WNT7B: variants seen among roughly 807,000 people sequenced by gnomAD.
The protein encoded by WNT7B is protein Wnt-7b.
Under a neutral mutation model 38.2 loss-of-function variants are expected in WNT7B, and 19 were observed. That is an observed-to-expected ratio of 0.50 (90% CI 0.35 to 0.73). The LOEUF (loss-of-function observed/expected upper bound fraction) is 0.73, where lower values mean the gene tolerates loss of function less well. WNT7B is among the 30% of genes least tolerant of loss of function. The probability of loss-of-function intolerance (pLI) is 0.01; values close to 1 mark genes in which losing one functional copy is unlikely to be tolerated. For synonymous variants in WNT7B, 243 were observed against 209.3 expected (o/e 1.16, Z -1.39); for missense variants, 423 against 507.9 (o/e 0.83, Z 1.61).
intron 1 of WNT7B, among the ~76,000 whole-genome samples, chr22:45,953,718 T>A: frequency 9.0e-6 from 1 of 111,002 alleles, no homozygotes; most frequent in African/African-American, 4.2e-5. Context: ...AGGATGGCTA[T>A]GATTTAAAAA....
chr22:45,929,630 A>ATCCATGCATCCACTCATCCATCCT lies in WNT7B; in HGVS notation c.570+1444_570+1467dup, dbSNP rs1222729696. ...CACCTGCCCATACACCCATCCTTCC[A>ATCCATGCATCCACTCATCCATCCT]TCCATGCATCCACTCATCCATCCTT... On this transcript the variant is annotated intron_variant, in intron 3 of 3. Transcript: ENST00000339464. 1.8e-4 allele frequency among the ~76,000 whole-genome samples: 21 copies of ATCCATGCATCCACTCATCCATCCT among 114,218 alleles called. 1 individual carries two copies. Among genetic ancestry groups the ATCCATGCATCCACTCATCCATCCT allele is most frequent in the African/African-American group, 7.1e-4 (21 of 29,572 alleles). The allele number at this position is 114,218 out of a possible 152,430, so 74.9% of individuals were successfully genotyped here. A position where few individuals can be genotyped will look rare whatever the true frequency, so the allele number is the denominator to read the frequency against.
chr22:45,934,253 C>T (rs994157533), intron 2 of WNT7B, among the ~76,000 whole-genome samples: 2 of 152,110 alleles, frequency 1.3e-5, no homozygotes, highest in Non-Finnish European at 2.9e-5. Context: ...GGTCCTTCTG[C>T]CCCCAGCTTG....
At chr22:45,930,420 T>C (rs190991115) in intron 3 of WNT7B, among the ~76,000 whole-genome samples, 15 of 152,356 alleles carry the variant, frequency 9.8e-5, no homozygotes, top group African/African-American at 2.4e-4. Context: ...GCGTTCCACT[T>C]GGCTGGCCAC....
chr22:45,947,885 C>A (rs948494827), intron 2 of WNT7B, among the ~76,000 whole-genome samples: 42 of 152,270 alleles, frequency 2.8e-4, no homozygotes, highest in African/African-American at 9.9e-4. Flanking sequence ...CTCCCAGGAT[C>A]GAGGAACAGG....
chr22:45,943,410 C>T (rs1045439675), intron 2 of WNT7B, among the ~76,000 whole-genome samples: 2 of 152,248 alleles, frequency 1.3e-5, no homozygotes, highest in African/African-American at 4.8e-5. Context: ...GGCAGGCCCC[C>T]AGGTGGGGAC....
At chr22:45,962,909 T>C (rs542323112) in intron 1 of WNT7B, among the ~76,000 whole-genome samples, 6 of 152,370 alleles carry the variant, frequency 3.9e-5, no homozygotes, top group African/African-American at 1.2e-4. Context: ...GCAGGCCCCA[T>C]TGGCCCATAG....
At chr22:45,938,905 A>C (rs1398632956) in intron 2 of WNT7B, among the ~76,000 whole-genome samples, 1 of 152,224 alleles carries the variant, frequency 6.6e-6, no homozygotes, top group Non-Finnish European at 1.5e-5. Context: ...TTACGTATTA[A>C]TTTTCAATCA....
chr22:45,947,247 TAAG>T (rs1249835224), intron 2 of WNT7B, among the ~76,000 whole-genome samples: 7 of 152,352 alleles, frequency 4.6e-5, no homozygotes, highest in Admixed American at 1.3e-4. Context: ...GATTCCCGGC[TAAG>T]AAGTTCACTT....
At chr22:45,927,633 C>T (rs1418061956) in intron 3 of WNT7B, 3 of 800,492 alleles carry the variant, frequency 3.7e-6, no homozygotes, top group Admixed American at 2.0e-5. Flanking sequence ...CAGTGGCTCA[C>T]ACCTGTAATC....
intron 2 of WNT7B, among the ~76,000 whole-genome samples, chr22:45,939,737 A>G (rs533226520): frequency 6.6e-6 from 1 of 152,108 alleles, no homozygotes; most frequent in East Asian, 1.9e-4. Flanking sequence ...GAGGCAGGAG[A>G]GTCACTTGGG....
intron 1 of WNT7B, among the ~76,000 whole-genome samples, chr22:45,957,659 C>T (rs367691955): frequency 1.5e-4 from 16 of 109,774 alleles, no homozygotes; most frequent in African/African-American, 5.0e-4. Context: ...CTCCAGCCTG[C>T]GTGAGGGAGC....
chr22:45,926,408 C>T (rs1931084525), intron 3 of WNT7B: 1 of 985,360 alleles, frequency 1.0e-6, no homozygotes, highest in Non-Finnish European at 1.2e-6. Context: ...GGGTGGTGGA[C>T]TGAGGGGGCT....
intron 1 of WNT7B, among the ~76,000 whole-genome samples, chr22:45,972,869 T>A (rs939653667): frequency 6.6e-6 from 1 of 152,268 alleles, no homozygotes; most frequent in Non-Finnish European, 1.5e-5. Context: ...TGTGCCTACA[T>A]GTGCCTGTGT....
intron 3 of WNT7B, chr22:45,925,225 C>G: frequency 3.1e-6 from 3 of 981,902 alleles, no homozygotes; most frequent in Non-Finnish European, 3.6e-6. Context: ...GGCGCAAAGT[C>G]TCATCAGGTG....
intron 2 of WNT7B, among the ~76,000 whole-genome samples, chr22:45,948,754 C>T (rs2095184689): frequency 6.6e-6 from 1 of 151,526 alleles, no homozygotes; most frequent in Non-Finnish European, 1.5e-5. Flanking sequence ...GAAGCTGAGG[C>T]CCTGAGCAGC....
intron 2 of WNT7B, among the ~76,000 whole-genome samples, chr22:45,944,848 C>A (rs1275800688): frequency 3.3e-5 from 5 of 152,200 alleles, no homozygotes. Flanking sequence ...AAAACGGCTG[C>A]TCAGTGACCC....
intron 1 of WNT7B, among the ~76,000 whole-genome samples, chr22:45,968,868 G>C (rs1404116219): frequency 6.6e-6 from 1 of 152,224 alleles, no homozygotes; most frequent in African/African-American, 2.4e-5. Context: ...CCTTGGGAGA[G>C]GGATCACCAT....
Position 45,977,026 on chromosome 22 carries a change from A to C in WNT7B, c.-272T>G. The C allele has an allele frequency of 4.1e-6, 4 of 985,068 alleles. No homozygotes were observed. Among genetic ancestry groups the C allele is most frequent in the Non-Finnish European group, 3.6e-6 (3 of 830,124 alleles). The allele number at this position is 985,068 out of a possible 1,614,324, so 61.0% of individuals were successfully genotyped here. A position where few individuals can be genotyped will look rare whatever the true frequency, so the allele number is the denominator to read the frequency against. On this transcript the variant is annotated 5_prime_UTR_variant, in exon 1 of 4. Transcript: ENST00000339464. ...GGTTGAGCGACCGTGGACCCCTGCA[A>C]GCGCGGGCCGGGGGCCCGGGCGCGG... is the stretch of plus-strand genomic sequence containing the variant.
intron 1 of WNT7B, among the ~76,000 whole-genome samples, chr22:45,963,547 C>G (rs903811051): frequency 6.6e-6 from 1 of 152,118 alleles, no homozygotes; most frequent in African/African-American, 2.4e-5. Context: ...TTTACAGAGG[C>G]GGCTTAGAGA....
Sources: gnomAD v4.1 joint callset for allele counts (sites outside exome capture counted in the v4.1 genomes callset) on GRCh38, gnomAD v4.1.1 for gene constraint, MANE v1.5 for transcripts, NCBI Gene and HGNC (gene_info 2026-07-23, HGNC 2026-07-21) for gene names.